Variants in HMGXB3 observed in about 807,000 individuals in gnomAD.
The protein encoded by HMGXB3 is HMG-box containing 3.
HMGXB3 carries 45 observed loss-of-function variants against 121.5 expected under a neutral mutation model. The ratio of observed to expected loss-of-function variants is 0.37; its 90% confidence interval spans 0.29 to 0.47. The LOEUF (loss-of-function observed/expected upper bound fraction) is 0.47. Among genes scored for constraint, HMGXB3 ranks in the 20% least tolerant of loss-of-function variants. The pLI is 0.99. For missense variants in HMGXB3, 1,376 were observed against 1,602.2 expected, an observed-to-expected ratio of 0.86 and a Z score of 2.41; for synonymous variants, 590 against 624.1, an observed-to-expected ratio of 0.95 and a Z score of 0.81.
At chr5:150,048,740 A>AT in intron 18 of HMGXB3, 55 bp downstream of exon 18, 1 of 1,242,220 alleles carries the variant, frequency 8.1e-7, no homozygotes, top group Non-Finnish European at 1.2e-6. Flanking sequence ...TGAACTTCCC[A>AT]TACAGGGACT....
Position 150,048,647 on chromosome 5 carries a change from T to G in HMGXB3, c.3163T>G (p.Phe1055Val). 1 of 1,551,758 alleles carries G rather than the reference T, an allele frequency of 6.4e-7. No individual in the cohort carries two copies. The highest frequency in any genetic ancestry group is 2.4e-5 in the East Asian group (1 of 40,928). Residue 1055 changes from phenylalanine to valine, a missense_variant, in exon 18 of 20, where the codon TTC (phenylalanine) becomes GTC (valine). Around this residue, in one of 2 missense-constraint regions of HMGXB3, gnomAD observed 1,116 missense variants for 1,369.0 expected, o/e 0.82. Coordinates refer to ENST00000502717, the MANE Select transcript of HMGXB3 (RefSeq NM_014983.3). The stretch of plus-strand genomic sequence containing the variant: ...TAGAGCTATACGGCCCCCACGTCAC[T>G]TCACAGGTGGTAAAATCTACAAGGT... ...GARAIRPPRH[F>V]TGGKIYKVCP...
intron 15 of HMGXB3, 75 bp downstream of exon 15, chr5:150,042,044 C>G (rs1311484286): frequency 2.4e-6 from 3 of 1,249,712 alleles, no homozygotes; most frequent in African/African-American, 1.5e-5. Flanking sequence ...ATATGATATC[C>G]CCAGGGGGTG....
intron 1 of HMGXB3, 127 bp from the exon 2 acceptor site, chr5:150,004,724 T>G: frequency 1.7e-6 from 1 of 576,936 alleles, no homozygotes; most frequent in Non-Finnish European, 3.0e-6. Context: ...CTTCTTAGGA[T>G]ATATTGGGTT....
intron 11 of HMGXB3, among the ~76,000 whole-genome samples, chr5:150,035,064 A>G (rs1180768990): frequency 2.6e-5 from 4 of 152,214 alleles, no homozygotes; most frequent in Non-Finnish European, 5.9e-5. Context: ...AGTGGGAGAG[A>G]AAGATAACCA....
intron 9 of HMGXB3, among the ~76,000 whole-genome samples, chr5:150,029,039 A>T (rs1161548468): frequency 1.3e-5 from 2 of 152,170 alleles, no homozygotes; most frequent in Non-Finnish European, 2.9e-5. Flanking sequence ...GTTGTAGAAA[A>T]TATAGAAAAT....
rs1756184584 is a variant in HMGXB3 at position 150,024,692 on chromosome 5, T to C, written c.1460+12T>C. 1 of 1,526,484 alleles carries C rather than the reference T, an allele frequency of 6.6e-7. No homozygotes were observed. The highest frequency in any genetic ancestry group is 1.4e-5 in the African/African-American group (1 of 72,182). The allele number at this position is 1,526,484 out of a possible 1,614,324, so 94.6% of individuals were successfully genotyped here. Reference sequence around the variant, plus strand: ...AAAAAACCTACAGGGTAAGTCAGTGTGTTTGTATAATATAGGGCTTTGGAA... The same window carrying C: ...AAAAAACCTACAGGGTAAGTCAGTGCGTTTGTATAATATAGGGCTTTGGAA... On this transcript the variant is annotated intron_variant, in intron 7 of 19. Transcript: ENST00000502717.
chr5:150,050,153 T>C, intron 18 of HMGXB3, 99 bp from the exon 19 acceptor site: 1 of 1,048,184 alleles, frequency 9.5e-7, no homozygotes, highest in Admixed American at 2.0e-5. Context: ...GCCCTGAAGC[T>C]GATTGCTCAT....
At chr5:150,021,673 T>C (rs1756096991) in intron 6 of HMGXB3, 2 of 522,836 alleles carry the variant, frequency 3.8e-6, no homozygotes, top group Non-Finnish European at 7.5e-6. Context: ...TAGTTGCTTG[T>C]GGATTCTCCT....
intron 17 of HMGXB3, 138 bp downstream of exon 17, chr5:150,047,895 A>T: frequency 1.1e-6 from 1 of 883,338 alleles, no homozygotes; most frequent in Non-Finnish European, 1.7e-6. Context: ...TGCCTAGGAG[A>T]TGGTCAACAG....
chr5:150,030,966 T>G (rs754316237), intron 10 of HMGXB3, 127 bp downstream of exon 10: 28 of 624,362 alleles, frequency 4.5e-5, no homozygotes, highest in Non-Finnish European at 7.2e-5. Flanking sequence ...AGGTATAGAT[T>G]GTTAATGATG....
chr5:150,027,515 T>G (rs2113744751), intron 9 of HMGXB3, among the ~76,000 whole-genome samples: 1 of 152,308 alleles, frequency 6.6e-6, no homozygotes, highest in South Asian at 2.1e-4. Flanking sequence ...GGGTAAGTTA[T>G]GCCTTTATGC....
rs1231125482 is a variant in HMGXB3 at position 150,048,702 on chromosome 5, G to A, written c.3201+17G>A. The stretch of plus-strand genomic sequence containing the variant: ...CCCCATCAGGTAAGAAAATAACTAG[G>A]GGGAGCTTGGAGTGAATTTGCTAAT... On this transcript the variant is annotated intron_variant, in intron 18 of 19. Coordinates refer to ENST00000502717, the MANE Select transcript of HMGXB3 (RefSeq NM_014983.3). 2 of 1,488,690 alleles carry A rather than the reference G, an allele frequency of 1.3e-6. No individual in the cohort carries two copies. The highest frequency in any genetic ancestry group is 2.5e-5 in the East Asian group (1 of 40,634). 92.2% of individuals were successfully genotyped at this position (1,488,690 alleles called of 1,614,324 possible).
intron 16 of HMGXB3, among the ~76,000 whole-genome samples, chr5:150,046,673 A>G (rs376191621): frequency 5.9e-5 from 9 of 151,964 alleles, no homozygotes; most frequent in African/African-American, 1.7e-4. Context: ...TTAGCCGGGC[A>G]TGGTGGCGGG....
chr5:150,035,288 T>C (rs904673464), intron 11 of HMGXB3, among the ~76,000 whole-genome samples: 7 of 152,100 alleles, frequency 4.6e-5, no homozygotes, highest in African/African-American at 1.7e-4. Context: ...CCTCCACTCA[T>C]GGTGGAAGGC....
intron 13 of HMGXB3, among the ~76,000 whole-genome samples, chr5:150,038,338 AT>A (rs1756546218): frequency 6.6e-6 from 1 of 152,212 alleles, no homozygotes; most frequent in Non-Finnish European, 1.5e-5. Flanking sequence ...AATGTCTTAT[AT>A]TATTAGATTG....
At chr5:150,043,624 C>A (rs933733937) in intron 15 of HMGXB3, among the ~76,000 whole-genome samples, 1 of 152,194 alleles carries the variant, frequency 6.6e-6, no homozygotes, top group Non-Finnish European at 1.5e-5. Flanking sequence ...CAGATTGATT[C>A]AAATCCGCTT....
At chr5:150,019,070 A>G (rs1344600541) in intron 6 of HMGXB3, among the ~76,000 whole-genome samples, 1 of 151,558 alleles carries the variant, frequency 6.6e-6, no homozygotes, top group African/African-American at 2.4e-5. Flanking sequence ...CGGCCTCCCA[A>G]AGTGCTGGGA....
intron 6 of HMGXB3, among the ~76,000 whole-genome samples, chr5:150,020,515 A>G (rs943214123): frequency 1.3e-5 from 2 of 151,398 alleles, no homozygotes; most frequent in Non-Finnish European, 2.9e-5. Flanking sequence ...GGCTATTTTT[A>G]CTTTGGCTTT....
chr5:150,028,557 ATATTTTT>A (rs1321104436), intron 9 of HMGXB3, among the ~76,000 whole-genome samples: 13 of 64,494 alleles, frequency 2.0e-4, no homozygotes, highest in African/African-American at 6.1e-4. Flanking sequence ...ATATATATAT[ATATTTTT>A]TTTTTTTTTT....
Sources: gnomAD v4.1 joint callset for allele counts (sites outside exome capture counted in the v4.1 genomes callset) on GRCh38, gnomAD v4.1.1 for gene constraint, gnomAD v4.1.1 regional missense constraint, MANE v1.5 for transcripts, NCBI Gene and HGNC (gene_info 2026-07-23, HGNC 2026-07-21) for gene names.